Variants in TONSL observed in about 807,000 individuals in gnomAD.
TONSL encodes tonsoku-like protein.
Under a neutral mutation model 147.1 loss-of-function variants are expected in TONSL, and 112 were observed. That is an observed-to-expected ratio of 0.76 (90% CI 0.65 to 0.89). The LOEUF is 0.89. Ranked by LOEUF, TONSL falls within the 40% of genes least tolerant of loss-of-function variation. The pLI, the probability that TONSL is intolerant of heterozygous loss-of-function variation, is 0.00. For synonymous variants in TONSL, 868 were observed against 801.5 expected, an observed-to-expected ratio of 1.08 and a Z score of -1.40; for missense variants, 1,883 against 1,864.6, an observed-to-expected ratio of 1.01 and a Z score of -0.18.
At chr8:144,431,662 G>A (rs978336211) in intron 23 of TONSL, among the ~76,000 whole-genome samples, 2 of 151,590 alleles carry the variant, frequency 1.3e-5, no homozygotes, top group African/African-American at 2.4e-5. Context: ...CCAGGAGCCC[G>A]TCACCACGCC....
intron 22 of TONSL, 35 bp downstream of exon 22, chr8:144,433,553 C>G: frequency 6.2e-7 from 1 of 1,607,416 alleles, no homozygotes; most frequent in Non-Finnish European, 8.5e-7. Context: ...TGCCCCAGGG[C>G]TAGGGAGTGG....
intron 11 of TONSL, 81 bp from the exon 12 acceptor site, chr8:144,438,816 A>G: frequency 2.8e-6 from 4 of 1,433,516 alleles, no homozygotes; most frequent in Non-Finnish European, 3.9e-6. Flanking sequence ...AAGCTCCCCA[A>G]ACTCCCAGGT....
At chr8:144,432,177 C>T (rs1368880298) in intron 23 of TONSL, 108 bp downstream of exon 23, 6 of 1,237,266 alleles carry the variant, frequency 4.8e-6, no homozygotes, top group Non-Finnish European at 6.9e-6. Context: ...CTGTAGAGCC[C>T]CTCAGCGAGT....
At chr8:144,432,195 G>C in intron 23 of TONSL, 90 bp downstream of exon 23, 2 of 1,417,102 alleles carry the variant, frequency 1.4e-6, no homozygotes, top group Non-Finnish European at 1.9e-6. Flanking sequence ...AGTTCAGCCC[G>C]AATCTGGGGA....
In TONSL at chr8:144,440,975, G is replaced by A. The variant is rs781208667; in HGVS notation, c.1002C>T (p.Tyr334=). The A allele has an allele frequency of 9.3e-6, 15 of 1,613,036 alleles. No homozygotes were observed. The highest frequency in any genetic ancestry group is 1.3e-5 in the African/African-American group (1 of 74,936). The part of the protein sequence containing the change: ...AGDFPRAAEA[Y]QKQLRFAELL... ...AGCCGGGGCCACACACCTGCTTCTG[G>A]TAAGCCTCAGCTGCCCTGGGAAAGT... is the stretch of plus-strand genomic sequence containing the variant. The change falls in exon 8 of 26, where the codon TAC becomes TAT. Residue 334 remains tyrosine (Y), a synonymous_variant. Coordinates refer to ENST00000409379, the MANE Select transcript of TONSL (RefSeq NM_013432.5).
rs757197887 is a variant in TONSL at position 144,441,117 on chromosome 8, G to A, written c.866-6C>T. On this transcript the variant is annotated splice_polypyrimidine_tract_variant and splice_region_variant and intron_variant, in intron 7 of 25. Transcript: ENST00000409379. Reference sequence around the variant, plus strand: ...CAGCCGGACCACTGCCAGCACTGCCGGGAAGAGGTTCATGCAGGGGGGCAG... The same window carrying A: ...CAGCCGGACCACTGCCAGCACTGCCAGGAAGAGGTTCATGCAGGGGGGCAG... 2.2e-5 allele frequency: 35 copies of A among 1,612,350 alleles called. No individual in the cohort carries two copies. The highest frequency in any genetic ancestry group is 1.3e-4 in the East Asian group (6 of 44,886).
In TONSL at chr8:144,434,236, C is replaced by T; in HGVS notation, c.3129G>A (p.Leu1043=). 1 of 1,537,002 alleles carries T rather than the reference C, an allele frequency of 6.5e-7. No homozygotes were observed. Among genetic ancestry groups the T allele is most frequent in the African/African-American group, 1.4e-5 (1 of 72,792 alleles). The change falls in exon 21 of 26, where the codon TTG becomes TTA. Residue 1043 remains leucine, a synonymous_variant. Transcript: ENST00000409379. The part of the protein sequence containing the change: ...QVLQAVELQG[L]GLSFSACSLA... ...GGGAGCAGGCGCTGAACGAGAGGCC[C>T]AAGCCCTGGAGCTCCACGGCCTGCA...
chr8:144,438,766 G>A, intron 11 of TONSL, 31 bp from the exon 12 acceptor site: 1 of 1,606,006 alleles, frequency 6.2e-7, no homozygotes, highest in Non-Finnish European at 8.5e-7. Flanking sequence ...CCCCAGGGGA[G>A]TCCGTGGGAG....
In TONSL at chr8:144,437,119, G is replaced by T. The variant is rs1333686200; in HGVS notation, c.1654-20C>A. 6.2e-7 allele frequency: 1 copy of T among 1,610,376 alleles called. No homozygotes were observed. Among genetic ancestry groups the T allele is most frequent in the Non-Finnish European group, 8.5e-7 (1 of 1,178,766 alleles). On this transcript the variant is annotated intron_variant, in intron 13 of 25. Transcript: ENST00000409379. ...GTGGCCCTGTGACCAAGGACAGGAA[G>T]GAGCCTGGCCCTGTGTACCTCACAG...
At chr8:144,437,202 G>A in intron 13 of TONSL, 103 bp from the exon 14 acceptor site, 6 of 1,184,236 alleles carry the variant, frequency 5.1e-6, no homozygotes, top group Non-Finnish European at 4.9e-6. Flanking sequence ...CTCAGTCTTA[G>A]AGCCCAGAGC....
Position 144,444,183 on chromosome 8 carries a change from G to A in TONSL, c.118C>T (p.His40Tyr), listed in dbSNP as rs1218134606. 2.1e-6 allele frequency: 3 copies of A among 1,446,632 alleles called. No homozygotes were observed. Among genetic ancestry groups the A allele is most frequent in the Non-Finnish European group, 2.7e-6 (3 of 1,102,674 alleles). The allele number at this position is 1,446,632 out of a possible 1,614,324, so 89.6% of individuals were successfully genotyped here. Residue 40 changes from histidine (H) to tyrosine (Y), a missense_variant, in exon 2 of 26, where the codon CAT (histidine) becomes TAT (tyrosine). His to Tyr is a moderately conservative substitution (Grantham distance 83). Transcript: ENST00000409379. ...CHQLGELLAG[H>Y]GRYAEALEQH... ...GCCTCCTGGTCCCGGCGCTCACCAT[G>A]GCCGGCCAGGAGCTCCCCCAGCTGG...
chr8:144,438,868 T>A, intron 11 of TONSL, 133 bp from the exon 12 acceptor site: 1 of 908,130 alleles, frequency 1.1e-6, no homozygotes, highest in Non-Finnish European at 1.7e-6. Flanking sequence ...CTGAGGCTGC[T>A]GGGCTCTGGG....
intron 9 of TONSL, 73 bp from the exon 10 acceptor site, chr8:144,440,549 G>C (rs929701929): frequency 1.3e-6 from 2 of 1,533,404 alleles, no homozygotes; most frequent in African/African-American, 2.7e-5. Flanking sequence ...AAGCTTCCCC[G>C]GCTGCCCAGA....
At chr8:144,442,515 C>T in intron 5 of TONSL, 103 bp from the exon 6 acceptor site, 1 of 1,481,318 alleles carries the variant, frequency 6.8e-7, no homozygotes, top group Non-Finnish European at 9.0e-7. Context: ...GGGCCCTAAC[C>T]ATGCCTGGCC....
rs372362011 is a variant in TONSL at position 144,440,317 on chromosome 8, G to A, written c.1290+34C>T. 33 of 1,564,434 alleles carry A rather than the reference G, an allele frequency of 2.1e-5. No homozygotes were observed. The African/African-American group carries it at 3.9e-4, about 19-fold the overall frequency. ...AGGCTGCAACGAAGCTGGGCTCACC[G>A]GGGAGCCAGTATGGGTGGGATGGGC... On this transcript the variant is annotated intron_variant, in intron 10 of 25. Transcript: ENST00000409379.
chr8:144,444,116 CCCCCGATCCCGGCCCGGG>C, intron 2 of TONSL, 46 bp downstream of exon 2: 1 of 1,304,216 alleles, frequency 7.7e-7, no homozygotes, highest in Non-Finnish European at 9.7e-7. Context: ...CGCCCCCCGG[CCCCCGATCCCGGCCCGGG>C]CCCGGGCCCC....
At chr8:144,439,897 C>T (rs1674290873) in intron 11 of TONSL, 124 bp downstream of exon 11, 6 of 604,462 alleles carry the variant, frequency 9.9e-6, no homozygotes, top group East Asian at 5.9e-5. Flanking sequence ...AAGCACTGGC[C>T]GTCCTGCCTG....
intron 5 of TONSL, 35 bp from the exon 6 acceptor site, chr8:144,442,447 G>A: frequency 6.6e-7 from 1 of 1,520,534 alleles, no homozygotes; most frequent in Non-Finnish European, 8.8e-7. Flanking sequence ...GCACCCAGGA[G>A]TGTCCATGAC....
chr8:144,442,899 T>C, intron 4 of TONSL, 93 bp from the exon 5 acceptor site: 3 of 1,469,498 alleles, frequency 2.0e-6, no homozygotes, highest in Non-Finnish European at 2.7e-6. Context: ...GCGCCTCTCC[T>C]ACCCCCTCCC....
Sources: allele counts gnomAD v4.1 joint callset (sites outside exome capture counted in the v4.1 genomes callset), GRCh38; gene constraint gnomAD v4.1.1; transcripts MANE v1.5; gene names NCBI Gene and HGNC (gene_info 2026-07-23, HGNC 2026-07-21).